The following PKIB variants were observed in gnomAD, a reference collection of about 807,000 sequenced individuals.
The protein encoded by PKIB is PKI-beta.
PKIB carries 2 observed loss-of-function variants against 4.5 expected under a neutral mutation model. That is an observed-to-expected ratio of 0.44 (90% CI 0.18 to 1.39). The LOEUF (loss-of-function observed/expected upper bound fraction) is 1.39, where lower values mean the gene tolerates loss of function less well. Among genes scored for constraint, PKIB ranks in the 40% most tolerant of loss-of-function variants. The pLI is 0.27. For missense variants in PKIB, 94 were observed against 92.6 expected, an observed-to-expected ratio of 1.02 and a Z score of -0.06; for synonymous variants, 38 against 36.0, an observed-to-expected ratio of 1.06 and a Z score of -0.20.
rs114921163 is a variant in PKIB at position 122,639,587 on chromosome 6, G to T, written c.-76+6220G>T. On this transcript the variant is annotated intron_variant, in intron 2 of 4. Coordinates refer to ENST00000368452, the MANE Select transcript of PKIB (RefSeq NM_181795.3). ...CTAGAGAAAAATTGACTAGAGGAGT[G>T]TGAGGAGACCCAAAAGGTGTTATAT... Among the ~76,000 whole-genome samples the T allele has an allele frequency of 1.5e-3, 222 of 152,300 alleles. 2 individuals are homozygous for T. Among genetic ancestry groups the T allele is most frequent in the African/African-American group, 5.1e-3 (212 of 41,556 alleles).
rs1156432085 is a variant in PKIB, at chr6:122,496,861, C to T, written c.-248+18922C>T. On this transcript the variant is annotated intron_variant, in intron 2 of 6. Transcript: ENST00000392491. Reference sequence around the variant, plus strand: ...GCTAGAGATTTCTTATATCCAGATGCAAGAAATTCAGAGAATACTTTCCAG... The same window carrying T: ...GCTAGAGATTTCTTATATCCAGATGTAAGAAATTCAGAGAATACTTTCCAG... 4.6e-5 allele frequency among the ~76,000 whole-genome samples: 7 copies of T among 151,972 alleles called. No homozygotes were observed. In the East Asian group the frequency reaches 1.4e-3, roughly 29 times the overall value.
chr6:122,500,444 CAGTT>C (rs1334285354), intron 2 of PKIB, among the ~76,000 whole-genome samples: 19 of 152,248 alleles, frequency 1.2e-4, no homozygotes, highest in Admixed American at 4.6e-4. Context: ...TACATTTACA[CAGTT>C]AGCACAAAAA....
intron 3 of PKIB, among the ~76,000 whole-genome samples, chr6:122,704,728 CTG>C (rs113825379): frequency 1.7e-4 from 25 of 149,286 alleles, no homozygotes; most frequent in East Asian, 1.0e-3. Flanking sequence ...GAAATAATAA[CTG>C]TGTGTGTGTG....
intron 2 of PKIB, among the ~76,000 whole-genome samples, chr6:122,539,299 T>G (rs1777512093): frequency 6.6e-6 from 1 of 152,064 alleles, no homozygotes; most frequent in East Asian, 1.9e-4. Flanking sequence ...GCCCATTCAG[T>G]ATGATATTGG....
chr6:122,595,759 C>T (rs183003296), intron 3 of PKIB, among the ~76,000 whole-genome samples: 1 of 152,140 alleles, frequency 6.6e-6, no homozygotes, highest in East Asian at 1.9e-4. Flanking sequence ...GTTGCTGAGT[C>T]CATGTGTAAC....
chr6:122,617,902 G>T (rs1166584834), intron 1 of PKIB, among the ~76,000 whole-genome samples: 1 of 152,006 alleles, frequency 6.6e-6, no homozygotes, highest in African/African-American at 2.4e-5. Flanking sequence ...TTGTAAGGAT[G>T]TTTTTTACAT....
chr6:122,576,442 G>A (rs994371158), intron 2 of PKIB, among the ~76,000 whole-genome samples: 1 of 151,886 alleles, frequency 6.6e-6, no homozygotes, highest in African/African-American at 2.4e-5. Flanking sequence ...GCCAAGGCAG[G>A]CGGATCACGA....
rs2115101831 is a variant in PKIB, at chr6:122,725,164, A to T, written c.206A>T (p.Gln69Leu). The T allele has an allele frequency of 6.2e-6, 10 of 1,611,996 alleles. No homozygotes were observed. The highest frequency in any genetic ancestry group is 8.5e-6 in the Non-Finnish European group (10 of 1,179,222). Residue 69 changes from glutamine to leucine, a missense_variant, in exon 5 of 5, where the codon CAA becomes CTA. Transcript: ENST00000368452. ...AAAGATGAAAAAACAACACAAGACC[A>T]ATTGGAAAAGCCTCAAAATGAAGAA... is the stretch of plus-strand genomic sequence containing the variant. ...KEKDEKTTQD[Q>L]LEKPQNEEK is the part of the protein sequence containing the mutation.
intron 2 of PKIB, among the ~76,000 whole-genome samples, chr6:122,549,713 A>G (rs1432150970): frequency 6.6e-6 from 1 of 151,828 alleles, no homozygotes; most frequent in Non-Finnish European, 1.5e-5. Flanking sequence ...ATATGTAACA[A>G]AATACAGTAA....
At chr6:122,547,369 C>A (rs538696967) in intron 2 of PKIB, among the ~76,000 whole-genome samples, 12 of 152,160 alleles carry the variant, frequency 7.9e-5, no homozygotes, top group Non-Finnish European at 1.3e-4. Flanking sequence ...GAGTTTCACT[C>A]TTGTTGCCCA....
chr6:122,551,736 C>A (rs1249314123), intron 2 of PKIB, among the ~76,000 whole-genome samples: 1 of 152,142 alleles, frequency 6.6e-6, no homozygotes, highest in Non-Finnish European at 1.5e-5. Context: ...CCAGTTTTCA[C>A]ACTGTGCTTG....
intron 2 of PKIB, among the ~76,000 whole-genome samples, chr6:122,515,546 G>C (rs1032111853): frequency 6.6e-6 from 1 of 152,114 alleles, no homozygotes; most frequent in Non-Finnish European, 1.5e-5. Context: ...GAAGAACAAA[G>C]CATTTATTAA....
chr6:122,539,657 C>G (rs1582685353), intron 2 of PKIB, among the ~76,000 whole-genome samples: 1 of 151,980 alleles, frequency 6.6e-6, no homozygotes, highest in Non-Finnish European at 1.5e-5. Context: ...TTGGCTGTGT[C>G]TCTGCCAGGC....
chr6:122,561,743 C>T (rs541030180), intron 2 of PKIB, among the ~76,000 whole-genome samples: 1 of 151,824 alleles, frequency 6.6e-6, no homozygotes, highest in Non-Finnish European at 1.5e-5. Context: ...CCCCTGCTCG[C>T]TTTTGGTGTC....
At chr6:122,493,791 C>T (rs1048806589) in intron 2 of PKIB, among the ~76,000 whole-genome samples, 1 of 152,100 alleles carries the variant, frequency 6.6e-6, no homozygotes, top group Non-Finnish European at 1.5e-5. Context: ...CCAGTCTTTG[C>T]CGACTTAACC....
At chr6:122,495,564 T>C (rs1298022578) in intron 2 of PKIB, among the ~76,000 whole-genome samples, 1 of 151,998 alleles carries the variant, frequency 6.6e-6, no homozygotes, top group Non-Finnish European at 1.5e-5. Context: ...GAGTCATATA[T>C]GCTATCTAGT....
At chr6:122,497,299 A>G (rs554839640) in intron 2 of PKIB, among the ~76,000 whole-genome samples, 25 of 152,286 alleles carry the variant, frequency 1.6e-4, no homozygotes, top group African/African-American at 5.5e-4. Flanking sequence ...CACAGAACCT[A>G]TACAACAACT....
At chr6:122,544,205 A>G (rs934622153) in intron 2 of PKIB, among the ~76,000 whole-genome samples, 4 of 151,998 alleles carry the variant, frequency 2.6e-5, no homozygotes, top group African/African-American at 9.7e-5. Flanking sequence ...CAGAGCAGTA[A>G]TCATCAATAA....
At chr6:122,629,296 C>T (rs536575086) in intron 1 of PKIB, among the ~76,000 whole-genome samples, 15 of 152,184 alleles carry the variant, frequency 9.9e-5, no homozygotes, top group Non-Finnish European at 1.9e-4. Flanking sequence ...GTACTACAGG[C>T]GCCAACTGAA....
Sources: allele counts gnomAD v4.1 joint callset (sites outside exome capture counted in the v4.1 genomes callset), GRCh38; gene constraint gnomAD v4.1.1; transcripts MANE v1.5; gene names NCBI Gene and HGNC (gene_info 2026-07-23, HGNC 2026-07-21).